Variants in SRGAP3 observed in about 807,000 individuals in gnomAD.
SRGAP3 encodes the protein SLIT-ROBO Rho GTPase activating protein 3, also known as SLIT-ROBO Rho GTPase-activating protein 3.
Under a neutral mutation model 121.1 loss-of-function variants are expected in SRGAP3, and 39 were observed. The observed-to-expected ratio is 0.32, with a 90% CI of 0.25 to 0.42. The LOEUF is 0.42. SRGAP3 is among the 10% of genes least tolerant of loss of function. The pLI, the probability that SRGAP3 is intolerant of heterozygous loss-of-function variation, is 1.00. For synonymous variants in SRGAP3, 601 were observed against 570.0 expected (o/e 1.05, Z -0.77); for missense variants, 1,213 against 1,470.6 (o/e 0.82, Z 2.86).
intron 10 of SRGAP3, among the ~76,000 whole-genome samples, chr3:9,042,923 C>T (rs1459598274): frequency 6.6e-6 from 1 of 152,106 alleles, no homozygotes; most frequent in Non-Finnish European, 1.5e-5. Context: ...CATCCTTTCC[C>T]GCATTTGCAA....
At chr3:9,020,088 T>C (rs1943840159) in intron 14 of SRGAP3, among the ~76,000 whole-genome samples, 1 of 152,242 alleles carries the variant, frequency 6.6e-6, no homozygotes, top group African/African-American at 2.4e-5. Context: ...CATTCTCTCC[T>C]GTGAGAGAGC....
chr3:9,158,123 T>C lies in SRGAP3; in HGVS notation c.68-33206A>G, dbSNP rs572955437. On this transcript the variant is annotated intron_variant, in intron 1 of 21. Coordinates refer to ENST00000383836, the MANE Select transcript of SRGAP3 (RefSeq NM_014850.4). ...GGAGCCTGCTCGGGCCTGTAACAAA[T>C]TGTAAAAGAGCAAAGCTGCTTCCTA... 8.5e-5 allele frequency among the ~76,000 whole-genome samples: 13 copies of C among 152,248 alleles called. No individual in the cohort carries two copies. In the East Asian group the frequency reaches 9.7e-4, roughly 11 times the overall value.
At chr3:9,317,250 T>C (rs1202790864) in intron 3 of SRGAP3, among the ~76,000 whole-genome samples, 1 of 152,190 alleles carries the variant, frequency 6.6e-6, no homozygotes, top group Non-Finnish European at 1.5e-5. Flanking sequence ...GTAAATTCCA[T>C]CTGTGTGCTA....
At chr3:9,213,534 G>T (rs562628061) in intron 1 of SRGAP3, among the ~76,000 whole-genome samples, 1 of 152,136 alleles carries the variant, frequency 6.6e-6, no homozygotes, top group African/African-American at 2.4e-5. Flanking sequence ...TGGTGTGCAG[G>T]CATCTTCCCT....
chr3:9,331,248 C>T (rs893752615), intron 1 of SRGAP3, among the ~76,000 whole-genome samples: 4 of 152,200 alleles, frequency 2.6e-5, no homozygotes, highest in Non-Finnish European at 5.9e-5. Context: ...ATACCTACCA[C>T]GTGCCAGGAA....
At chr3:9,175,761 C>T (rs1423419178) in intron 1 of SRGAP3, among the ~76,000 whole-genome samples, 1 of 152,190 alleles carries the variant, frequency 6.6e-6, no homozygotes, top group African/African-American at 2.4e-5. Context: ...ATGTCCCAAA[C>T]CAGGTGTGGT....
At chr3:9,270,806 GA>G (rs1296209252) in intron 3 of SRGAP3, among the ~76,000 whole-genome samples, 1 of 152,058 alleles carries the variant, frequency 6.6e-6, no homozygotes, top group Admixed American at 6.6e-5. Context: ...TTAAGCAAGA[GA>G]TTTTTTTTTT....
intron 3 of SRGAP3, among the ~76,000 whole-genome samples, chr3:9,276,165 T>C (rs917560398): frequency 5.3e-5 from 8 of 152,204 alleles, no homozygotes; most frequent in Non-Finnish European, 7.4e-5. Flanking sequence ...CCAGAAGCCA[T>C]AGCCTCCCTT....
chr3:9,300,253 C>A (rs75098087), intron 3 of SRGAP3, among the ~76,000 whole-genome samples: 5,693 of 112,460 alleles, frequency 0.051, 154 homozygotes, highest in Middle Eastern at 0.085. Flanking sequence ...TTTCCTTAAT[C>A]TCTCCTCATG....
At chr3:9,068,275 T>A (rs766374206) in intron 4 of SRGAP3, among the ~76,000 whole-genome samples, 2 of 152,222 alleles carry the variant, frequency 1.3e-5, no homozygotes, top group Non-Finnish European at 2.9e-5. Context: ...CATGCATCCA[T>A]CCACTCTCTC....
chr3:9,092,168 C>T (rs1239730350), intron 3 of SRGAP3, among the ~76,000 whole-genome samples: 1 of 151,954 alleles, frequency 6.6e-6, no homozygotes, highest in Non-Finnish European at 1.5e-5. Flanking sequence ...CCTGTTTATG[C>T]TGAAAGCTTC....
chr3:9,133,022 ATAT>A (rs1339800686), intron 1 of SRGAP3, among the ~76,000 whole-genome samples: 6 of 148,804 alleles, frequency 4.0e-5, no homozygotes, highest in Non-Finnish European at 8.9e-5. Context: ...TATATAGATC[ATAT>A]TATTTATATT....
At chr3:9,060,739 C>A (rs1946121056) in intron 5 of SRGAP3, among the ~76,000 whole-genome samples, 2 of 103,408 alleles carry the variant, frequency 1.9e-5, no homozygotes, top group Admixed American at 2.0e-4. Flanking sequence ...ATGCCCGGCC[C>A]AGTGGTTTTT....
chr3:9,014,024 G>A (rs568671068), intron 15 of SRGAP3, 182 bp from the exon 16 acceptor site: 1 of 664,818 alleles, frequency 1.5e-6, no homozygotes, highest in Non-Finnish European at 2.7e-6. Context: ...CTAGCTACAG[G>A]GAGGGGCTGG....
chr3:9,338,193 G>C (rs986109194), intron 1 of SRGAP3, among the ~76,000 whole-genome samples: 1 of 152,040 alleles, frequency 6.6e-6, no homozygotes, highest in Non-Finnish European at 1.5e-5. Context: ...GCTTGCACTT[G>C]GGGGGGAATG....
chr3:9,222,344 C>G (rs1340285428), intron 1 of SRGAP3, among the ~76,000 whole-genome samples: 1 of 152,210 alleles, frequency 6.6e-6, no homozygotes. Context: ...ACTACCGATT[C>G]GTAGAACAAA....
At chr3:9,068,917 G>C (rs1946550504) in intron 4 of SRGAP3, among the ~76,000 whole-genome samples, 1 of 152,096 alleles carries the variant, frequency 6.6e-6, no homozygotes, top group African/African-American at 2.4e-5. Flanking sequence ...CTACTTGCCA[G>C]GCCTTGCTTT....
At chr3:9,317,708 G>C (rs1955371168) in intron 3 of SRGAP3, among the ~76,000 whole-genome samples, 1 of 152,224 alleles carries the variant, frequency 6.6e-6, no homozygotes, top group African/African-American at 2.4e-5. Context: ...AGACCTGAGA[G>C]ACTTTCCAAT....
At position 9,258,974 on chromosome 3, in the gene SRGAP3, C is replaced by T. The variant is rs184960744; in HGVS notation, n.442+67036G>A. Among the ~76,000 whole-genome samples the T allele has an allele frequency of 2.4e-3, 361 of 152,296 alleles. 2 individuals are homozygous for T. The highest frequency in any genetic ancestry group is 4.0e-3 in the Non-Finnish European group (272 of 68,030). On this transcript the variant is annotated intron_variant and non_coding_transcript_variant, in intron 3 of 3. Coordinates refer to the SRGAP3 transcript ENST00000490889. ...TCCTCGCACTTAAGAGTTGAATGCACGCTCCTCCCCATGAGCCCACGGGAT... is the reference window on the plus strand; with the variant it reads ...TCCTCGCACTTAAGAGTTGAATGCATGCTCCTCCCCATGAGCCCACGGGAT...
Sources: gnomAD v4.1 joint callset for allele counts (sites outside exome capture counted in the v4.1 genomes callset) on GRCh38, gnomAD v4.1.1 for gene constraint, MANE v1.5 for transcripts, NCBI Gene and HGNC (gene_info 2026-07-23, HGNC 2026-07-21) for gene names.